RBPMS: variants seen among roughly 807,000 people sequenced by gnomAD.
RBPMS encodes RNA binding protein, mRNA processing factor.
RBPMS carries 7 observed loss-of-function variants against 26.8 expected under a neutral mutation model. The ratio of observed to expected loss-of-function variants is 0.26; its 90% CI spans 0.15 to 0.49. RBPMS has a LOEUF of 0.49. Ranked by LOEUF, RBPMS falls within the 20% of genes least tolerant of loss-of-function variation. The pLI, the probability that RBPMS is intolerant of heterozygous loss-of-function variation, is 0.98. For missense variants in RBPMS, 186 were observed against 250.0 expected, an observed-to-expected ratio of 0.74 and a Z score of 1.73; for synonymous variants, 96 against 93.3, an observed-to-expected ratio of 1.03 and a Z score of -0.17.
rs149267159 is a variant in RBPMS at position 30,546,382 on chromosome 8, A to G, written c.528+1758A>G. ...GTACTGGGAATAGTGGCTTTTGGCC[A>G]TGACATCTGCTCATTCTTCATTCAT... is the stretch of plus-strand genomic sequence containing the variant. On this transcript the variant is annotated intron_variant, in intron 6 of 8. Transcript: ENST00000397323. 3.6e-3 allele frequency among the ~76,000 whole-genome samples: 546 copies of G among 152,366 alleles called. 1 individual carries two copies. Among genetic ancestry groups the G allele is most frequent in the Admixed American group, 6.1e-3 (94 of 15,310 alleles).
intron 5 of RBPMS, among the ~76,000 whole-genome samples, chr8:30,526,042 G>C (rs890657546): frequency 1.3e-5 from 2 of 152,246 alleles, no homozygotes; most frequent in Non-Finnish European, 2.9e-5. Context: ...ATTTCTGATA[G>C]ATGGGGGATC....
chr8:30,511,982 G>A (rs62508366), intron 5 of RBPMS, among the ~76,000 whole-genome samples: 29,771 of 152,138 alleles, frequency 0.2, 3,196 homozygotes, highest in South Asian at 0.39. Context: ...ACATAGGAAT[G>A]TGAGGGATTG....
At chr8:30,455,268 C>T (rs1413982242) in intron 1 of RBPMS, among the ~76,000 whole-genome samples, 1 of 152,114 alleles carries the variant, frequency 6.6e-6, no homozygotes, top group Non-Finnish European at 1.5e-5. Context: ...AGGGCTTTCT[C>T]TAAGTGAGTG....
chr8:30,557,373 CCTG>C (rs1827033303), intron 6 of RBPMS, among the ~76,000 whole-genome samples: 1 of 152,142 alleles, frequency 6.6e-6, no homozygotes, highest in Non-Finnish European at 1.5e-5. Context: ...TCTAGACATC[CCTG>C]CTTTTAGAAT....
intron 1 of RBPMS, among the ~76,000 whole-genome samples, chr8:30,417,948 G>T (rs1365275161): frequency 1.3e-5 from 2 of 152,118 alleles, no homozygotes; most frequent in Admixed American, 1.3e-4. Flanking sequence ...ATGTACGTTG[G>T]TATAGTTGAT....
At chr8:30,446,662 GCTC>G (rs1479309705) in intron 1 of RBPMS, among the ~76,000 whole-genome samples, 2 of 152,098 alleles carry the variant, frequency 1.3e-5, no homozygotes, top group East Asian at 3.9e-4. Context: ...ACAGGGTTTT[GCTC>G]CATTGCCTAG....
chr8:30,386,856 CTT>C (rs879534669), intron 1 of RBPMS, among the ~76,000 whole-genome samples: 2 of 149,856 alleles, frequency 1.3e-5, no homozygotes, highest in African/African-American at 2.5e-5. Context: ...GTTGAGAAAA[CTT>C]TTTTTTTTCC....
chr8:30,489,606 G>A (rs888382891), intron 4 of RBPMS, among the ~76,000 whole-genome samples: 2 of 151,566 alleles, frequency 1.3e-5, no homozygotes, highest in Non-Finnish European at 2.9e-5. Flanking sequence ...CGCCACGCCC[G>A]GCGAATTTTT....
At chr8:30,485,320 C>G (rs1818665888) in intron 4 of RBPMS, among the ~76,000 whole-genome samples, 1 of 152,142 alleles carries the variant, frequency 6.6e-6, no homozygotes, top group Non-Finnish European at 1.5e-5. Flanking sequence ...ACTCCCATGG[C>G]CCCCACCAGA....
intron 4 of RBPMS, among the ~76,000 whole-genome samples, chr8:30,492,500 G>A (rs1050510158): frequency 4.0e-5 from 6 of 151,840 alleles, no homozygotes; most frequent in African/African-American, 1.2e-4. Flanking sequence ...GATCTAGATC[G>A]TCATCTGCTA....
intron 1 of RBPMS, among the ~76,000 whole-genome samples, chr8:30,465,603 A>G (rs1816409454): frequency 6.6e-6 from 1 of 152,168 alleles, no homozygotes; most frequent in South Asian, 2.1e-4. Flanking sequence ...CCTGGCCAAC[A>G]TGGCGAAACC....
At chr8:30,540,304 G>C (rs1400109689) in intron 5 of RBPMS, among the ~76,000 whole-genome samples, 1 of 152,188 alleles carries the variant, frequency 6.6e-6, no homozygotes, top group Non-Finnish European at 1.5e-5. Context: ...AACCAGATGA[G>C]AATCAGGGCT....
chr8:30,519,729 G>A (rs1029096349), intron 5 of RBPMS, among the ~76,000 whole-genome samples: 2 of 151,942 alleles, frequency 1.3e-5, no homozygotes, highest in African/African-American at 4.8e-5. Context: ...TCCTGACCTC[G>A]TGATCTGCCC....
chr8:30,568,398 C>T (rs937293890), intron 8 of RBPMS, among the ~76,000 whole-genome samples: 6 of 152,166 alleles, frequency 3.9e-5, no homozygotes, highest in African/African-American at 7.2e-5. Flanking sequence ...ACGAAGAGAC[C>T]GCAGAGTGAG....
intron 1 of RBPMS, among the ~76,000 whole-genome samples, chr8:30,438,541 C>G (rs1355107019): frequency 6.6e-6 from 1 of 152,212 alleles, no homozygotes; most frequent in Non-Finnish European, 1.5e-5. Context: ...ATATTTACTT[C>G]TGCACTAGAA....
At chr8:30,432,192 TCTTA>T (rs758305490) in intron 1 of RBPMS, among the ~76,000 whole-genome samples, 166 of 152,150 alleles carry the variant, frequency 1.1e-3, no homozygotes, top group Admixed American at 3.5e-3. Flanking sequence ...CCAACCAATC[TCTTA>T]CTTATTAACA....
intron 5 of RBPMS, among the ~76,000 whole-genome samples, chr8:30,530,565 C>T (rs536654411): frequency 4.0e-4 from 61 of 152,238 alleles, no homozygotes; most frequent in African/African-American, 1.3e-3. Context: ...TGGGTTCAAA[C>T]GATTCTTCTG....
At chr8:30,477,926 T>C (rs1278998687) in intron 3 of RBPMS, 89 bp downstream of exon 3, 2 of 929,146 alleles carry the variant, frequency 2.2e-6, no homozygotes, top group Non-Finnish European at 3.4e-6. Flanking sequence ...TTATTCCCAT[T>C]AGAATTTGAG....
intron 1 of RBPMS, among the ~76,000 whole-genome samples, chr8:30,413,638 A>T (rs987688248): frequency 1.3e-5 from 2 of 152,050 alleles, no homozygotes; most frequent in African/African-American, 4.8e-5. Flanking sequence ...CTTTTTTAAG[A>T]GTCTCACTCT....
Sources: gnomAD v4.1 joint callset for allele counts (sites outside exome capture counted in the v4.1 genomes callset) on GRCh38, gnomAD v4.1.1 for gene constraint, MANE v1.5 for transcripts, NCBI Gene and HGNC (gene_info 2026-07-23, HGNC 2026-07-21) for gene names.